GAB2: variants seen among roughly 807,000 people sequenced by gnomAD.
The protein encoded by GAB2 is GRB2-associated-binding protein 2.
Under a neutral mutation model 65.5 loss-of-function variants are expected in GAB2, and 26 were observed. The ratio of observed to expected loss-of-function variants is 0.40; its 90% CI spans 0.29 to 0.55. The LOEUF (loss-of-function observed/expected upper bound fraction) is 0.55. Among genes scored for constraint, GAB2 ranks in the 20% least tolerant of loss-of-function variants. The pLI is 0.53. For missense variants in GAB2, 884 were observed against 875.8 expected, an observed-to-expected ratio of 1.01 and a Z score of -0.12; for synonymous variants, 321 against 329.6, an observed-to-expected ratio of 0.97 and a Z score of 0.28.
intron 1 of GAB2, among the ~76,000 whole-genome samples, chr11:78,374,008 T>C (rs578199281): frequency 7.9e-5 from 12 of 152,358 alleles, no homozygotes; most frequent in African/African-American, 1.2e-4. Context: ...AGACTTTACA[T>C]TGAAAAGCAT....
At chr11:78,321,353 A>AC (rs1483628524) in intron 1 of GAB2, among the ~76,000 whole-genome samples, 1 of 152,028 alleles carries the variant, frequency 6.6e-6, no homozygotes, top group Admixed American at 6.6e-5. Context: ...GGTCTGCTCT[A>AC]CCTCCTGCTT....
chr11:78,259,781 G>A (rs1250954164), intron 2 of GAB2, among the ~76,000 whole-genome samples: 1 of 152,138 alleles, frequency 6.6e-6, no homozygotes, highest in African/African-American at 2.4e-5. Context: ...GTGGCCCAGA[G>A]AAATAAGACT....
chr11:78,403,388 C>A (rs980836909), intron 1 of GAB2, among the ~76,000 whole-genome samples: 9 of 152,162 alleles, frequency 5.9e-5, no homozygotes, highest in African/African-American at 2.2e-4. Flanking sequence ...TAAATGGCTA[C>A]CTTTTTGCAA....
Position 78,346,702 on chromosome 11 carries a change from TATATATATATATATATATA to T in GAB2, c.76-65820_76-65802del, listed in dbSNP as rs1168840391. Among the ~76,000 whole-genome samples, 28 of 96,744 alleles carry T rather than the reference TATATATATATATATATATA, an allele frequency of 2.9e-4. 1 individual carries two copies. Among genetic ancestry groups the T allele is most frequent in the African/African-American group, 1.6e-3 (23 of 14,148 alleles). The allele number at this position is 96,744 out of a possible 152,430, so 63.5% of individuals were successfully genotyped here. ...ATATATATATATATATATATATATA[TATATATATATATATATATA>T]ATTTTTTTTTTTTTTAGGAAAAGAA... On this transcript the variant is annotated intron_variant, in intron 1 of 9. Transcript: ENST00000361507.
At position 78,235,737 on chromosome 11, in the gene GAB2, G is replaced by T. The variant is rs1173786396; in HGVS notation, c.621-8686C>A. Among the ~76,000 whole-genome samples the T allele has an allele frequency of 2.6e-5, 4 of 152,100 alleles. No individual in the cohort carries two copies. In the East Asian group the frequency reaches 7.7e-4, roughly 29 times the overall value. On this transcript the variant is annotated intron_variant, in intron 3 of 9. Transcript: ENST00000361507. ...CTCATCTCCATCTGAGACCACCTTA[G>T]CCTGGACCTTATTGTCCATATCGCT... is the stretch of plus-strand genomic sequence containing the variant.
chr11:78,359,027 G>A (rs551848518), intron 1 of GAB2, among the ~76,000 whole-genome samples: 1 of 152,156 alleles, frequency 6.6e-6, no homozygotes, highest in African/African-American at 2.4e-5. Context: ...AACTGGAAGA[G>A]CAATCCAAAG....
rs1218404181 is a variant in GAB2, at chr11:78,353,760, A to T, written c.75+63886T>A. Among the ~76,000 whole-genome samples, 3 of 152,190 alleles carry T rather than the reference A, an allele frequency of 2.0e-5. No homozygotes were observed. In the East Asian group the frequency reaches 5.8e-4, roughly 29 times the overall value. ...GTATTGGACAGTGCAGCTCTAGATA[A>T]CTTGGTTTTATTAAAATTTAAATAA... On this transcript the variant is annotated intron_variant, in intron 1 of 9. Coordinates refer to ENST00000361507, the MANE Select transcript of GAB2 (RefSeq NM_080491.3).
chr11:78,236,773 T>C (rs1395769765), intron 3 of GAB2, among the ~76,000 whole-genome samples: 3 of 3,402 alleles, frequency 8.8e-4, no homozygotes, highest in East Asian at 4.3e-3. Flanking sequence ...ATTACTTTGA[T>C]TGTTTTTTTT....
intron 1 of GAB2, among the ~76,000 whole-genome samples, chr11:78,340,458 T>A (rs1285867833): frequency 6.6e-6 from 1 of 152,170 alleles, no homozygotes; most frequent in Non-Finnish European, 1.5e-5. Context: ...CCAAATATAG[T>A]ATTTTGTTCA....
At chr11:78,412,092 C>A (rs540287799) in intron 1 of GAB2, among the ~76,000 whole-genome samples, 1 of 150,696 alleles carries the variant, frequency 6.6e-6, no homozygotes, top group African/African-American at 2.5e-5. Flanking sequence ...GAGCCGAGAT[C>A]ATGCCATTGC....
At chr11:78,309,404 T>G (rs1041175016) in intron 1 of GAB2, among the ~76,000 whole-genome samples, 1 of 150,388 alleles carries the variant, frequency 6.6e-6, no homozygotes, top group African/African-American at 2.5e-5. Context: ...CCTGTCCCCC[T>G]CCCCAGCCTT....
intron 1 of GAB2, among the ~76,000 whole-genome samples, chr11:78,283,563 G>C (rs1866387803): frequency 6.6e-6 from 1 of 151,598 alleles, no homozygotes; most frequent in South Asian, 2.1e-4. Flanking sequence ...CCTCCTATTC[G>C]AAGGCACTAT....
chr11:78,371,886 C>A (rs1856575789), intron 1 of GAB2, among the ~76,000 whole-genome samples: 1 of 152,208 alleles, frequency 6.6e-6, no homozygotes, highest in South Asian at 2.1e-4. Flanking sequence ...AGTTCCATCT[C>A]TTATTACAAG....
chr11:78,383,581 C>CAAAAAAAAAAAAAAAAAAAAA lies in GAB2; in HGVS notation c.75+34064_75+34065insTTTTTTTTTTTTTTTTTTTTT, dbSNP rs534814220. ...GCAACATGGCAAAACCCTGTCTCTCCAAAAAAAAAAAAAAAAAAATACAAA... is the reference window on the plus strand; with the variant it reads ...GCAACATGGCAAAACCCTGTCTCTCCAAAAAAAAAAAAAAAAAAAAAAAAAAAAAAAAAAAAAAAATACAAA... On this transcript the variant is annotated intron_variant, in intron 1 of 9. Coordinates refer to ENST00000361507, the MANE Select transcript of GAB2 (RefSeq NM_080491.3). 8.2e-3 allele frequency among the ~76,000 whole-genome samples: 454 copies of CAAAAAAAAAAAAAAAAAAAAA among 55,340 alleles called. 12 individuals carry two copies. Among genetic ancestry groups the CAAAAAAAAAAAAAAAAAAAAA allele is most frequent in the Middle Eastern group, 0.014 (1 of 70 alleles). 36.3% of individuals were successfully genotyped at this position (55,340 alleles called of 152,430 possible). A position where few individuals can be genotyped will look rare whatever the true frequency, so the allele number is the denominator to read the frequency against.
chr11:78,410,752 A>G (rs775208801), intron 1 of GAB2, among the ~76,000 whole-genome samples: 4 of 152,212 alleles, frequency 2.6e-5, no homozygotes, highest in Non-Finnish European at 5.9e-5. Context: ...AAGAAATTGG[A>G]TTAAAAATGT....
chr11:78,307,568 G>A (rs987427192), intron 1 of GAB2, among the ~76,000 whole-genome samples: 1 of 141,240 alleles, frequency 7.1e-6, no homozygotes, highest in Non-Finnish European at 1.5e-5. Context: ...GACCAGCATG[G>A]GAAAGATGGT....
At chr11:78,256,999 C>G (rs1865611512) in intron 2 of GAB2, among the ~76,000 whole-genome samples, 1 of 148,364 alleles carries the variant, frequency 6.7e-6, no homozygotes, top group South Asian at 2.2e-4. Flanking sequence ...AATCTATTTT[C>G]TTTTAAACAG....
chr11:78,381,836 A>G (rs1323213827), intron 1 of GAB2, among the ~76,000 whole-genome samples: 1 of 152,252 alleles, frequency 6.6e-6, no homozygotes, highest in Non-Finnish European at 1.5e-5. Context: ...TCAGAGAACC[A>G]GAGGTGGCTG....
chr11:78,315,729 T>A (rs1186788943), intron 1 of GAB2, among the ~76,000 whole-genome samples: 4 of 152,146 alleles, frequency 2.6e-5, no homozygotes. Flanking sequence ...GAAAAGACAA[T>A]CCACTGAATG....
Sources: gnomAD v4.1 joint callset for allele counts (sites outside exome capture counted in the v4.1 genomes callset) on GRCh38, gnomAD v4.1.1 for gene constraint, MANE v1.5 for transcripts, NCBI Gene and HGNC (gene_info 2026-07-23, HGNC 2026-07-21) for gene names.